Variants in PINX1 observed in about 807,000 individuals in gnomAD.
The protein encoded by PINX1 is PIN2 (TERF1) interacting telomerase inhibitor 1.
A neutral mutation model predicts 25.4 loss-of-function variants in PINX1; 34 were observed. The ratio of observed to expected loss-of-function variants is 1.34; its 90% CI spans 1.02 to 1.78. The LOEUF is 1.78. Among genes scored for constraint, PINX1 ranks in the 40% most tolerant of loss-of-function variants. The pLI is 0.00. For missense variants in PINX1, 592 were observed against 404.9 expected, an observed-to-expected ratio of 1.46 and a Z score of -3.97; for synonymous variants, 197 against 147.7, an observed-to-expected ratio of 1.33 and a Z score of -2.42.
intron 1 of PINX1, among the ~76,000 whole-genome samples, chr8:10,838,607 A>C (rs1026683219): frequency 2.6e-5 from 4 of 152,380 alleles, no homozygotes; most frequent in Middle Eastern, 3.4e-3. Context: ...GAATTAAGCA[A>C]ACATCAAAGA....
At chr8:10,806,681 A>G (rs1266896287) in intron 6 of PINX1, among the ~76,000 whole-genome samples, 1 of 152,152 alleles carries the variant, frequency 6.6e-6, no homozygotes, top group Non-Finnish European at 1.5e-5. Context: ...TGTTTCCTCT[A>G]CAAGAGAAAC....
At chr8:10,835,893 T>A (rs1430605234) in intron 1 of PINX1, among the ~76,000 whole-genome samples, 1 of 152,114 alleles carries the variant, frequency 6.6e-6, no homozygotes, top group Non-Finnish European at 1.5e-5. Context: ...TTACTGATCA[T>A]TATGAACTCC....
At chr8:10,816,844 A>T (rs1407699675) in intron 6 of PINX1, among the ~76,000 whole-genome samples, 1 of 150,062 alleles carries the variant, frequency 6.7e-6, no homozygotes, top group East Asian at 1.9e-4. Context: ...CAGATTTAAA[A>T]GCCCACGTGT....
At chr8:10,778,595 C>A (rs1288158010) in intron 6 of PINX1, among the ~76,000 whole-genome samples, 2 of 152,150 alleles carry the variant, frequency 1.3e-5, no homozygotes, top group Non-Finnish European at 2.9e-5. Context: ...GTTTGGGAAA[C>A]AAACCTGTGC....
chr8:10,810,447 G>C (rs1797465851), intron 6 of PINX1, among the ~76,000 whole-genome samples: 1 of 152,134 alleles, frequency 6.6e-6, no homozygotes, highest in African/African-American at 2.4e-5. Context: ...CTGTGTGTCT[G>C]TGCCTCCTGA....
intron 4 of PINX1, among the ~76,000 whole-genome samples, chr8:10,829,201 G>A (rs552706128): frequency 2.0e-5 from 3 of 149,648 alleles, no homozygotes; most frequent in East Asian, 2.0e-4. Flanking sequence ...CAGGAGAATC[G>A]CTTGAACCCG....
At chr8:10,799,562 G>C (rs955902958) in intron 6 of PINX1, among the ~76,000 whole-genome samples, 1 of 152,188 alleles carries the variant, frequency 6.6e-6, no homozygotes, top group Non-Finnish European at 1.5e-5. Flanking sequence ...CTTTGAAATG[G>C]ACAGGTGAGC....
intron 6 of PINX1, among the ~76,000 whole-genome samples, chr8:10,777,648 T>G (rs575866002): frequency 6.6e-6 from 1 of 152,184 alleles, no homozygotes; most frequent in South Asian, 2.1e-4. Flanking sequence ...TTAAAATGGT[T>G]TGGTCCCCCC....
intron 3 of PINX1, among the ~76,000 whole-genome samples, chr8:10,832,035 G>A (rs1399319656): frequency 6.6e-6 from 1 of 152,202 alleles, no homozygotes; most frequent in East Asian, 1.9e-4. Flanking sequence ...GGCAACCTGT[G>A]TGCTAAATGT....
chr8:10,827,160 C>T (rs7846449), intron 4 of PINX1, among the ~76,000 whole-genome samples: 67,110 of 152,066 alleles, frequency 0.44, 16,860 homozygotes, highest in African/African-American at 0.69. Flanking sequence ...CGAATTCCTA[C>T]AAGCCTGTAA....
At chr8:10,824,416 C>T (rs570899654) in intron 5 of PINX1, among the ~76,000 whole-genome samples, 2 of 152,324 alleles carry the variant, frequency 1.3e-5, no homozygotes, top group Middle Eastern at 6.8e-3. Flanking sequence ...CCCGTCTCCA[C>T]TCCAGCTCTT....
chr8:10,795,251 C>G (rs1209729383), intron 6 of PINX1, among the ~76,000 whole-genome samples: 1 of 152,208 alleles, frequency 6.6e-6, no homozygotes, highest in African/African-American at 2.4e-5. Context: ...CAGTTCATAG[C>G]AATGTCTTTG....
intron 6 of PINX1, among the ~76,000 whole-genome samples, chr8:10,817,886 C>T (rs1229592379): frequency 6.6e-6 from 1 of 152,162 alleles, no homozygotes; most frequent in Non-Finnish European, 1.5e-5. Context: ...ACCCTCGCTC[C>T]TTACTGAACG....
intron 6 of PINX1, among the ~76,000 whole-genome samples, chr8:10,805,063 T>C (rs1026581492): frequency 1.3e-5 from 2 of 152,156 alleles, no homozygotes; most frequent in African/African-American, 4.8e-5. Flanking sequence ...TCCACTAATC[T>C]TTCCCAATAG....
intron 6 of PINX1, among the ~76,000 whole-genome samples, chr8:10,818,405 A>G (rs1237804623): frequency 6.6e-6 from 1 of 152,196 alleles, no homozygotes; most frequent in African/African-American, 2.4e-5. Context: ...CCAACACCCA[A>G]TAAATTCTCA....
At position 10,787,048 on chromosome 8, in the gene PINX1, T is replaced by G. The variant is rs550728501; in HGVS notation, c.472-21132A>C. 9.2e-5 allele frequency among the ~76,000 whole-genome samples: 14 copies of G among 152,314 alleles called. No homozygotes were observed. The South Asian group carries it at 2.9e-3, about 32-fold the overall frequency. On this transcript the variant is annotated intron_variant, in intron 6 of 6. Coordinates refer to ENST00000314787, the MANE Select transcript of PINX1 (RefSeq NM_017884.6). ...TTCTGGTTGTAAAACGACATACATT[T>G]TAACAGTTTGACTCTTACCCAATTT...
At chr8:10,833,205 G>C (rs1166014150) in intron 2 of PINX1, among the ~76,000 whole-genome samples, 1 of 152,188 alleles carries the variant, frequency 6.6e-6, no homozygotes, top group Non-Finnish European at 1.5e-5. Flanking sequence ...CAAGTGCAAA[G>C]ACCCGAAGGT....
chr8:10,802,793 A>G (rs183998354), intron 6 of PINX1, among the ~76,000 whole-genome samples: 71 of 152,344 alleles, frequency 4.7e-4, no homozygotes, highest in African/African-American at 1.7e-3. Flanking sequence ...GGGGAATTAT[A>G]TTCCAGTAAA....
In PINX1 at chr8:10,765,228, G is replaced by C; in HGVS notation, c.*173C>G. The C allele has an allele frequency of 1.7e-6, 1 of 585,510 alleles. No homozygotes were observed. The highest frequency in any genetic ancestry group is 2.9e-6 in the Non-Finnish European group (1 of 343,064). 36.3% of individuals were successfully genotyped at this position (585,510 alleles called of 1,614,324 possible). ...GAGAACATTAAAAAGGTCCTCCTGG[G>C]AATGTAACTTGGGGGAAATGTGGCG... is the stretch of plus-strand genomic sequence containing the variant. On this transcript the variant is annotated 3_prime_UTR_variant, in exon 7 of 7. Coordinates refer to ENST00000314787, the MANE Select transcript of PINX1 (RefSeq NM_017884.6).
Sources: gnomAD v4.1 joint callset for allele counts (sites outside exome capture counted in the v4.1 genomes callset) on GRCh38, gnomAD v4.1.1 for gene constraint, MANE v1.5 for transcripts, NCBI Gene and HGNC (gene_info 2026-07-23, HGNC 2026-07-21) for gene names.